Variants in STRBP observed in about 807,000 individuals in gnomAD.
STRBP encodes the protein spermatid perinuclear RNA-binding protein.
STRBP carries 13 observed loss-of-function variants against 80.1 expected under a neutral mutation model. The ratio of observed to expected loss-of-function variants is 0.16; its 90% confidence interval spans 0.11 to 0.26. The LOEUF is 0.26. Among genes scored for constraint, STRBP ranks in the 10% least tolerant of loss-of-function variants. The pLI, the probability that STRBP is intolerant of heterozygous loss-of-function variation, is 1.00. For synonymous variants in STRBP, 284 were observed against 291.2 expected (o/e 0.98, Z 0.25); for missense variants, 485 against 815.2 (o/e 0.59, Z 4.93).
At chr9:123,227,225 G>A (rs182341699) in intron 2 of STRBP, among the ~76,000 whole-genome samples, 9 of 152,324 alleles carry the variant, frequency 5.9e-5, no homozygotes, top group African/African-American at 1.9e-4. Flanking sequence ...GGAGAATCCA[G>A]AATGTAGGAG....
At position 123,139,659 on chromosome 9, in the gene STRBP, C is replaced by G; in HGVS notation, c.1367G>C (p.Gly456Ala). ...CATACATTCAATATCTGCATCAAAGCCTGTTGGATATCCCATTGCCTGCAA... is the reference window on the plus strand; with the variant it reads ...CATACATTCAATATCTGCATCAAAGGCTGTTGGATATCCCATTGCCTGCAA... ...KVLQAMGYPT[G>A]FDADIECMSS... The change falls in exon 14 of 19, where the codon GGC (glycine) becomes GCC (alanine). Residue 456 changes from glycine (G) to alanine (A), a missense_variant. By Grantham distance (60) the Gly-to-Ala change is moderately conservative. Around this residue, in one of 3 missense-constraint regions of STRBP, gnomAD observed 377 missense variants for 616.1 expected, o/e 0.61. Transcript: ENST00000348403. The G allele has an allele frequency of 6.2e-7, 1 of 1,611,998 alleles. No homozygotes were observed. Among genetic ancestry groups the G allele is most frequent in the Non-Finnish European group, 8.5e-7 (1 of 1,179,630 alleles).
Position 123,122,549 on chromosome 9 carries a change from C to T in STRBP, c.*3048G>A. On this transcript the variant is annotated 3_prime_UTR_variant, in exon 19 of 19. Transcript: ENST00000348403. ...ACAAACGACTTCAGAACTATATAAACTCAACTCCTTACTTCACCACCCATG... is the reference window on the plus strand; with the variant it reads ...ACAAACGACTTCAGAACTATATAAATTCAACTCCTTACTTCACCACCCATG... 1.7e-6 allele frequency: 2 copies of T among 1,143,220 alleles called. No individual in the cohort carries two copies. The highest frequency in any genetic ancestry group is 2.2e-6 in the Non-Finnish European group (2 of 921,898). 70.8% of individuals were successfully genotyped at this position (1,143,220 alleles called of 1,614,324 possible).
intron 3 of STRBP, among the ~76,000 whole-genome samples, chr9:123,181,953 C>A (rs755486694): frequency 6.6e-6 from 1 of 151,310 alleles, no homozygotes; most frequent in Non-Finnish European, 1.5e-5. Context: ...CAGTGGCTCA[C>A]GCCTGTAATC....
intron 1 of STRBP, among the ~76,000 whole-genome samples, chr9:123,257,771 C>T (rs575977644): frequency 2.0e-5 from 3 of 152,024 alleles, no homozygotes; most frequent in Non-Finnish European, 2.9e-5. Flanking sequence ...GAGCCGTGAT[C>T]ACACCACTGC....
chr9:123,144,070 C>T (rs1453930432), intron 13 of STRBP, among the ~76,000 whole-genome samples: 2 of 151,792 alleles, frequency 1.3e-5, no homozygotes, highest in African/African-American at 4.8e-5. Flanking sequence ...TGGTGGCAGT[C>T]GCCTGTAATC....
At chr9:123,268,128 T>A (rs2041317054) in intron 1 of STRBP, among the ~76,000 whole-genome samples, 1 of 120,386 alleles carries the variant, frequency 8.3e-6, no homozygotes, top group Non-Finnish European at 1.7e-5. Context: ...CCCCCAACCC[T>A]GCCCACGCCC....
chr9:123,240,341 G>A lies in STRBP; in HGVS notation c.-301-3375C>T, dbSNP rs545157856. On this transcript the variant is annotated intron_variant, in intron 1 of 18. Coordinates refer to ENST00000348403, the MANE Select transcript of STRBP (RefSeq NM_018387.5). ...AATGTTATTGTCTGCCCACCACACC[G>A]AAATCTAGAGATCCTGCATTTTCTT... is the stretch of plus-strand genomic sequence containing the variant. 2.4e-4 allele frequency among the ~76,000 whole-genome samples: 36 copies of A among 152,114 alleles called. No individual in the cohort carries two copies. In the South Asian group the frequency reaches 6.7e-3, roughly 28 times the overall value.
chr9:123,185,834 G>A (rs2038674947), intron 2 of STRBP, among the ~76,000 whole-genome samples: 1 of 152,060 alleles, frequency 6.6e-6, no homozygotes, highest in Non-Finnish European at 1.5e-5. Context: ...CTAACATGGT[G>A]AAACTAACAA....
In STRBP at chr9:123,115,940, G is replaced by A. The variant is rs2035638116; in HGVS notation, c.*73C>T. The A allele has an allele frequency of 2.2e-6, 1 of 449,628 alleles. No individual in the cohort carries two copies. Among genetic ancestry groups the A allele is most frequent in the South Asian group, 1.6e-5 (1 of 63,938 alleles). The allele number at this position is 449,628 out of a possible 1,614,324, so 27.9% of individuals were successfully genotyped here. A position where few individuals can be genotyped will look rare whatever the true frequency, so the allele number is the denominator to read the frequency against. ...TCCCTTAAAAATACCTGGCAGGAGT[G>A]CCCACGTTCTCTCCAGGTCTCCTCT... On this transcript the variant is annotated 3_prime_UTR_variant and NMD_transcript_variant, in exon 3 of 4. Coordinates refer to the STRBP transcript ENST00000471564. The surrounding 1 kb of genome is among the most constrained non-coding windows in gnomAD (Gnocchi z 5.0).
intron 8 of STRBP, among the ~76,000 whole-genome samples, chr9:123,159,627 C>T (rs953616349): frequency 5.9e-5 from 9 of 152,126 alleles, no homozygotes; most frequent in East Asian, 1.9e-4. Context: ...AATAAGACTT[C>T]GTTTCAGACA....
chr9:123,204,026 GCA>G (rs987869671), intron 2 of STRBP, among the ~76,000 whole-genome samples: 3 of 152,078 alleles, frequency 2.0e-5, no homozygotes, highest in Admixed American at 2.0e-4. Flanking sequence ...TTCTCTCACA[GCA>G]GCCCCTCCCA....
In STRBP at chr9:123,194,388, C is replaced by CA. The variant is rs146318252; in HGVS notation, c.-164-10091dup. On this transcript the variant is annotated intron_variant, in intron 2 of 18. Coordinates refer to ENST00000348403, the MANE Select transcript of STRBP (RefSeq NM_018387.5). ...CCTACTTGGGATGTCACTCAGTAAT[C>CA]ATCCCCTCTTCTCTCTTTCCTCTCC... 5.5e-3 allele frequency among the ~76,000 whole-genome samples: 831 copies of CA among 152,288 alleles called. 7 individuals carry two copies. Among genetic ancestry groups the CA allele is most frequent in the African/African-American group, 0.019 (792 of 41,556 alleles).
intron 6 of STRBP, among the ~76,000 whole-genome samples, chr9:123,164,765 T>A (rs976482947): frequency 6.6e-6 from 1 of 152,190 alleles, no homozygotes; most frequent in African/African-American, 2.4e-5. Flanking sequence ...CCTAAGAATA[T>A]CCTGGCAGCC....
At chr9:123,217,165 A>G (rs1461581819) in intron 2 of STRBP, among the ~76,000 whole-genome samples, 1 of 152,222 alleles carries the variant, frequency 6.6e-6, no homozygotes, top group African/African-American at 2.4e-5. Context: ...AACCTCAAGA[A>G]TCAAAGCTGC....
At chr9:123,213,988 G>C (rs1184915537) in intron 2 of STRBP, 1 of 151,582 alleles carries the variant, frequency 6.6e-6, no homozygotes, top group African/African-American at 2.4e-5. Context: ...GTACTACTGG[G>C]TATCAACCCA....
intron 5 of STRBP, among the ~76,000 whole-genome samples, chr9:123,171,062 G>C (rs564977219): frequency 6.6e-6 from 1 of 152,204 alleles, no homozygotes; most frequent in East Asian, 1.9e-4. Flanking sequence ...GCCATACGTA[G>C]ATAAAAGAAC....
At chr9:123,178,897 T>C (rs1235925474) in intron 4 of STRBP, 110 bp downstream of exon 4, 1 of 916,938 alleles carries the variant, frequency 1.1e-6, no homozygotes, top group African/African-American at 1.6e-5. Context: ...TAGTCTCACA[T>C]ATGCATAAGA....
chr9:123,259,040 A>G (rs1199554363), intron 1 of STRBP, among the ~76,000 whole-genome samples: 1 of 148,196 alleles, frequency 6.7e-6, no homozygotes, highest in Non-Finnish European at 1.5e-5. Flanking sequence ...TGTATTAAGA[A>G]TAGACTATAA....
At chr9:123,228,790 G>A (rs2132573688) in intron 2 of STRBP, among the ~76,000 whole-genome samples, 1 of 152,274 alleles carries the variant, frequency 6.6e-6, no homozygotes, top group African/African-American at 2.4e-5. Flanking sequence ...TCCTCAAAAT[G>A]TTAAACACAG....
Sources: gnomAD v4.1 joint callset for allele counts (sites outside exome capture counted in the v4.1 genomes callset) on GRCh38, gnomAD v4.1.1 for gene constraint, gnomAD v4.1.1 regional missense constraint, Gnocchi (gnomAD v3.1) non-coding constraint, MANE v1.5 for transcripts, NCBI Gene and HGNC (gene_info 2026-07-23, HGNC 2026-07-21) for gene names.